LARP4: variants seen among roughly 807,000 people sequenced by gnomAD.
LARP4 encodes la-related protein 4.
A neutral mutation model predicts 92.9 loss-of-function variants in LARP4; 29 were observed. The observed-to-expected ratio is 0.31, with a 90% CI of 0.23 to 0.43. The LOEUF (loss-of-function observed/expected upper bound fraction) is 0.43, where lower values mean the gene tolerates loss of function less well. Among genes scored for constraint, LARP4 ranks in the 20% least tolerant of loss-of-function variants. The probability of loss-of-function intolerance (pLI) is 1.00; values close to 1 mark genes in which losing one functional copy is unlikely to be tolerated. For synonymous variants in LARP4, 279 were observed against 284.1 expected, an observed-to-expected ratio of 0.98 and a Z score of 0.18; for missense variants, 732 against 860.0, an observed-to-expected ratio of 0.85 and a Z score of 1.86.
chr12:50,425,876 C>A (rs1181601864), intron 1 of LARP4, among the ~76,000 whole-genome samples: 3 of 152,296 alleles, frequency 2.0e-5, no homozygotes, highest in East Asian at 3.9e-4. Context: ...TCCTCCTCAG[C>A]TTCTCTTTCC....
At chr12:50,467,867 T>TA (rs1555172318) in intron 13 of LARP4, among the ~76,000 whole-genome samples, 14,997 of 151,934 alleles carry the variant, frequency 0.099, 1,499 homozygotes, top group East Asian at 0.45. Context: ...GTTTTTTTTT[T>TA]AATTATAACA....
Position 50,479,678 on chromosome 12 carries a change from T to C in LARP4, c.*3814T>C, listed in dbSNP as rs1957759836. 1 of 152,244 alleles carries C rather than the reference T, an allele frequency of 6.6e-6. No individual in the cohort carries two copies. The highest frequency in any genetic ancestry group is 2.1e-4 in the South Asian group (1 of 4,832). 9.4% of individuals were successfully genotyped at this position (152,244 alleles called of 1,614,324 possible). ...GTAACTCAGATATTAATGGGCTGTGTATTAAATGGTTTTATTTTCAGTTTT... is the reference window on the plus strand; with the variant it reads ...GTAACTCAGATATTAATGGGCTGTGCATTAAATGGTTTTATTTTCAGTTTT... On this transcript the variant is annotated 3_prime_UTR_variant, in exon 16 of 16. Coordinates refer to ENST00000398473, the MANE Select transcript of LARP4 (RefSeq NM_052879.5).
intron 8 of LARP4, 41 bp downstream of exon 8, chr12:50,441,684 G>A: frequency 7.0e-7 from 1 of 1,420,924 alleles, no homozygotes; most frequent in Non-Finnish European, 9.8e-7. Context: ...ACAGGTTTTG[G>A]TTCTCTGTAT....
intron 4 of LARP4, among the ~76,000 whole-genome samples, chr12:50,431,160 T>A (rs1035017424): frequency 2.0e-5 from 3 of 151,836 alleles, no homozygotes; most frequent in African/African-American, 7.3e-5. Flanking sequence ...CCCAGCTACT[T>A]GGGAGGCTGA....
Position 50,450,457 on chromosome 12 carries a change from A to T in LARP4, c.805-3003A>T, listed in dbSNP as rs544897818. Among the ~76,000 whole-genome samples the T allele has an allele frequency of 3.9e-5, 6 of 152,150 alleles. No individual in the cohort carries two copies. In the South Asian group the frequency reaches 1.2e-3, roughly 32 times the overall value. ...TTTTAGACAGAGCTGTTTAGTTTTT[A>T]TGTTTTAAGACAAAAATGTAGGTTT... On this transcript the variant is annotated intron_variant, in intron 8 of 15. Transcript: ENST00000398473.
chr12:50,413,919 T>G (rs1946338077), intron 1 of LARP4, among the ~76,000 whole-genome samples: 1 of 152,198 alleles, frequency 6.6e-6, no homozygotes, highest in African/African-American at 2.4e-5. Flanking sequence ...TGAACTACAG[T>G]TCACCTCTAT....
At chr12:50,421,249 G>A (rs537364933) in intron 1 of LARP4, 88 of 983,868 alleles carry the variant, frequency 8.9e-5, no homozygotes, top group Non-Finnish European at 1.0e-4. Context: ...GTACCCAGCC[G>A]GCTTTTAACG....
intron 8 of LARP4, among the ~76,000 whole-genome samples, chr12:50,445,925 C>CT (rs1479114523): frequency 6.6e-6 from 1 of 151,604 alleles, no homozygotes; most frequent in African/African-American, 2.4e-5. Flanking sequence ...TTTTCCCTCC[C>CT]TTTTTTTGAT....
At chr12:50,425,524 C>A (rs1948576610) in intron 1 of LARP4, among the ~76,000 whole-genome samples, 1 of 152,160 alleles carries the variant, frequency 6.6e-6, no homozygotes, top group African/African-American at 2.4e-5. Context: ...GCTTGGCTAT[C>A]ACAAGCTACT....
At chr12:50,408,055 A>G (rs1945159264) in intron 1 of LARP4, among the ~76,000 whole-genome samples, 1 of 152,144 alleles carries the variant, frequency 6.6e-6, no homozygotes, top group Non-Finnish European at 1.5e-5. Flanking sequence ...AACCAAAGAC[A>G]GAAGAGTGCT....
chr12:50,409,888 A>G lies in LARP4; in HGVS notation c.18+8860A>G, dbSNP rs192054798. ...ATTGCAACTTCCGCCTCCCAGGTTC[A>G]GGCGATTGATTCTCTTGCCTCAGCC... On this transcript the variant is annotated intron_variant, in intron 1 of 15. Transcript: ENST00000398473. 2.1e-3 allele frequency among the ~76,000 whole-genome samples: 319 copies of G among 151,848 alleles called. 1 individual carries two copies. The highest frequency in any genetic ancestry group is 7.3e-3 in the African/African-American group (301 of 41,482).
intron 1 of LARP4, among the ~76,000 whole-genome samples, chr12:50,414,045 T>C (rs1946354576): frequency 6.6e-6 from 1 of 152,190 alleles, no homozygotes; most frequent in African/African-American, 2.4e-5. Context: ...AAATTGTGTA[T>C]TTAAGGCTTT....
At chr12:50,448,843 A>G (rs1382689932) in intron 8 of LARP4, among the ~76,000 whole-genome samples, 2 of 152,230 alleles carry the variant, frequency 1.3e-5, no homozygotes, top group Non-Finnish European at 1.5e-5. Flanking sequence ...TTCTTAATAC[A>G]TGACGACAAT....
At chr12:50,453,798 A>G in intron 9 of LARP4, 126 bp downstream of exon 9, 1 of 599,496 alleles carries the variant, frequency 1.7e-6, no homozygotes, top group Non-Finnish European at 2.7e-6. Context: ...ATTTTATTTT[A>G]TTTTTTGTAT....
chr12:50,453,573 T>C lies in LARP4; in HGVS notation c.918T>C (p.Phe306=), dbSNP rs1953664384. The part of the protein sequence containing the change: ...QTQAQYASPV[F]MQPVYNPHQQ... ...AAGCACAGTATGCCTCCCCAGTCTT[T>C]ATGCAGCCTGTATATAATCCTCACC... Residue 306 remains phenylalanine (F), a synonymous_variant, in exon 9 of 16, where the codon TTT becomes TTC. Coordinates refer to ENST00000398473, the MANE Select transcript of LARP4 (RefSeq NM_052879.5). 1 of 1,613,262 alleles carries C rather than the reference T, an allele frequency of 6.2e-7. No homozygotes were observed. The highest frequency in any genetic ancestry group is 8.5e-7 in the Non-Finnish European group (1 of 1,179,258).
chr12:50,401,040 ATGCTAGTCTCGTCC>A lies in LARP4; in HGVS notation c.18+17_18+30del. 2 of 1,614,086 alleles carry A rather than the reference ATGCTAGTCTCGTCC, an allele frequency of 1.2e-6. No individual in the cohort carries two copies. Among genetic ancestry groups the A allele is most frequent in the South Asian group, 2.2e-5 (2 of 91,086 alleles). On this transcript the variant is annotated intron_variant, in intron 1 of 15. Transcript: ENST00000398473. ...TGCTTTTCGTGGAGGTGAGTGCATT[ATGCTAGTCTCGTCC>A]TGCTCTTAGGAGAGCAGGAGTGTAG...
chr12:50,432,986 C>A (rs1049783420), intron 4 of LARP4, among the ~76,000 whole-genome samples: 2 of 152,056 alleles, frequency 1.3e-5, no homozygotes, highest in African/African-American at 4.8e-5. Flanking sequence ...CAGCCTGACT[C>A]TCAATCTCCC....
At chr12:50,455,400 C>CAT (rs1954037838) in intron 10 of LARP4, among the ~76,000 whole-genome samples, 1 of 152,158 alleles carries the variant, frequency 6.6e-6, no homozygotes, top group Admixed American at 6.6e-5. Context: ...AAAGGACTGA[C>CAT]ATATAGTCAT....
intron 10 of LARP4, among the ~76,000 whole-genome samples, chr12:50,455,537 A>G (rs1458296459): frequency 6.6e-6 from 1 of 152,070 alleles, no homozygotes; most frequent in Non-Finnish European, 1.5e-5. Context: ...CGATTCTTCT[A>G]ATTATTTCTT....
Sources: allele counts gnomAD v4.1 joint callset (sites outside exome capture counted in the v4.1 genomes callset), GRCh38; gene constraint gnomAD v4.1.1; transcripts MANE v1.5; gene names NCBI Gene and HGNC (gene_info 2026-07-23, HGNC 2026-07-21).